STAU2: variants seen among roughly 807,000 people sequenced by gnomAD.
The protein encoded by STAU2 is double-stranded RNA-binding protein Staufen homolog 2.
In STAU2, 20 loss-of-function variants were observed where a neutral mutation model predicts 65.9. The observed-to-expected ratio is 0.30, with a 90% CI of 0.21 to 0.44. The LOEUF is 0.44. STAU2 is among the 20% of genes least tolerant of loss of function. STAU2 has a pLI of 1.00. For missense variants in STAU2, 558 were observed against 683.9 expected, an observed-to-expected ratio of 0.82 and a Z score of 2.05; for synonymous variants, 232 against 233.9, an observed-to-expected ratio of 0.99 and a Z score of 0.07.
At chr8:73,644,340 G>A (rs962679561) in intron 6 of STAU2, among the ~76,000 whole-genome samples, 4 of 152,054 alleles carry the variant, frequency 2.6e-5, no homozygotes, top group African/African-American at 7.2e-5. Flanking sequence ...AGCCACTCAG[G>A]AGGCTGAAGC....
chr8:73,432,632 ATCAATGATATGACTT>A (rs1817387255), intron 13 of STAU2, among the ~76,000 whole-genome samples: 1 of 152,232 alleles, frequency 6.6e-6, no homozygotes, highest in Non-Finnish European at 1.5e-5. Context: ...TTTCAGATGA[ATCAATGATATGACTT>A]TTTGTTAAAT....
At chr8:73,676,943 G>C (rs571712989) in intron 5 of STAU2, among the ~76,000 whole-genome samples, 1 of 152,258 alleles carries the variant, frequency 6.6e-6, no homozygotes, top group African/African-American at 2.4e-5. Flanking sequence ...TAGGAGTATA[G>C]AAAGATATTT....
intron 13 of STAU2, among the ~76,000 whole-genome samples, chr8:73,479,522 T>G (rs1820501195): frequency 7.2e-6 from 1 of 138,686 alleles, no homozygotes; most frequent in African/African-American, 2.8e-5. Context: ...GGGGAAAGCT[T>G]TAAAACTTGT....
chr8:73,469,791 C>T (rs926654843), intron 13 of STAU2, among the ~76,000 whole-genome samples: 1 of 152,044 alleles, frequency 6.6e-6, no homozygotes, highest in Non-Finnish European at 1.5e-5. Flanking sequence ...GATTAAACCT[C>T]GAATTAGAGC....
intron 12 of STAU2, among the ~76,000 whole-genome samples, chr8:73,567,312 A>C (rs552147754): frequency 1.3e-5 from 2 of 152,162 alleles, no homozygotes; most frequent in African/African-American, 4.8e-5. Context: ...GTTTGAGACT[A>C]GCCTGACCAA....
At chr8:73,622,840 G>C (rs1813365900) in intron 6 of STAU2, among the ~76,000 whole-genome samples, 1 of 152,178 alleles carries the variant, frequency 6.6e-6, no homozygotes, top group African/African-American at 2.4e-5. Flanking sequence ...ACATCAAAAT[G>C]AACAGCGTTG....
intron 13 of STAU2, among the ~76,000 whole-genome samples, chr8:73,425,869 T>A (rs1413962626): frequency 2.0e-5 from 3 of 152,108 alleles, no homozygotes; most frequent in Non-Finnish European, 4.4e-5. Flanking sequence ...CTTGACTCAC[T>A]GCAACCTCCA....
At chr8:73,551,115 G>C (rs910845910) in intron 13 of STAU2, 1 of 987,306 alleles carries the variant, frequency 1.0e-6, no homozygotes, top group Non-Finnish European at 1.2e-6. Context: ...TCAAGTTAGC[G>C]GTTACAGTTC....
intron 13 of STAU2, among the ~76,000 whole-genome samples, chr8:73,471,936 T>C (rs147908041): frequency 6.6e-6 from 1 of 151,968 alleles, no homozygotes; most frequent in Non-Finnish European, 1.5e-5. Flanking sequence ...GTAGGGAGCA[T>C]TGTACGACAG....
At chr8:73,633,446 A>C (rs1425948070) in intron 6 of STAU2, among the ~76,000 whole-genome samples, 3 of 152,188 alleles carry the variant, frequency 2.0e-5, no homozygotes, top group East Asian at 3.9e-4. Flanking sequence ...GGAGTAAAGC[A>C]ATCAGGACTA....
At chr8:73,626,172 CAG>C (rs1308783240) in intron 6 of STAU2, among the ~76,000 whole-genome samples, 1 of 151,980 alleles carries the variant, frequency 6.6e-6, no homozygotes, top group Non-Finnish European at 1.5e-5. Context: ...AAAAGATTAA[CAG>C]GGGCTCCTTT....
intron 12 of STAU2, among the ~76,000 whole-genome samples, chr8:73,553,335 G>C (rs930849544): frequency 1.3e-5 from 2 of 152,104 alleles, no homozygotes; most frequent in African/African-American, 2.4e-5. Flanking sequence ...CTAACCTTCT[G>C]ATTCAAGCTT....
intron 13 of STAU2, among the ~76,000 whole-genome samples, chr8:73,465,803 C>T (rs1327113909): frequency 2.0e-5 from 3 of 152,070 alleles, no homozygotes; most frequent in East Asian, 3.9e-4. Flanking sequence ...TCACCCCTGT[C>T]TTCATTTATT....
At chr8:73,513,624 A>G (rs1365704232) in intron 13 of STAU2, among the ~76,000 whole-genome samples, 1 of 152,088 alleles carries the variant, frequency 6.6e-6, no homozygotes, top group Non-Finnish European at 1.5e-5. Context: ...AAGGCTCCCT[A>G]TCACTGTGCC....
At position 73,577,224 on chromosome 8, in the gene STAU2, C is replaced by T. The variant is rs912253852; in HGVS notation, c.1222+5546G>A. On this transcript the variant is annotated intron_variant, in intron 12 of 14. Coordinates refer to ENST00000524300, the MANE Select transcript of STAU2 (RefSeq NM_001164380.2). ...TGGGCAGATCACAAGGTCAGGAGAT[C>T]GAGACCATCCTGGCTAACACAATGA... 9.9e-5 allele frequency among the ~76,000 whole-genome samples: 15 copies of T among 152,000 alleles called. No individual in the cohort carries two copies. In the East Asian group the frequency reaches 1.7e-3, roughly 18 times the overall value.
chr8:73,585,268 G>A (rs1051122526), intron 11 of STAU2, among the ~76,000 whole-genome samples: 3 of 152,234 alleles, frequency 2.0e-5, no homozygotes, highest in African/African-American at 7.2e-5. Flanking sequence ...CTCACCTGAG[G>A]TCGGGAGTTC....
At chr8:73,437,447 G>C (rs2128887610) in intron 13 of STAU2, among the ~76,000 whole-genome samples, 1 of 152,272 alleles carries the variant, frequency 6.6e-6, no homozygotes, top group Middle Eastern at 3.4e-3. Flanking sequence ...GTGGCCACTA[G>C]AATCTGGAAA....
At chr8:73,600,165 A>G (rs1472689) in intron 10 of STAU2, among the ~76,000 whole-genome samples, 2,315 of 152,260 alleles carry the variant, frequency 0.015, 59 homozygotes, top group African/African-American at 0.051. Flanking sequence ...AAACATAAAC[A>G]ATGTACAAAT....
intron 13 of STAU2, among the ~76,000 whole-genome samples, chr8:73,457,765 A>C (rs1228629079): frequency 6.6e-6 from 1 of 152,214 alleles, no homozygotes; most frequent in Non-Finnish European, 1.5e-5. Flanking sequence ...CAGGATAGGC[A>C]TGATATGCAA....
Sources: gnomAD v4.1 joint callset for allele counts (sites outside exome capture counted in the v4.1 genomes callset) on GRCh38, gnomAD v4.1.1 for gene constraint, MANE v1.5 for transcripts, NCBI Gene and HGNC (gene_info 2026-07-23, HGNC 2026-07-21) for gene names.